PKHD1: variants seen among roughly 807,000 people sequenced by gnomAD.
The protein encoded by PKHD1 is PKHD1 ciliary IPT domain containing fibrocystin/polyductin.
Under a neutral mutation model 412.0 loss-of-function variants are expected in PKHD1, and 291 were observed. The ratio of observed to expected loss-of-function variants is 0.71; its 90% CI spans 0.64 to 0.78. The LOEUF (loss-of-function observed/expected upper bound fraction) is 0.78, where lower values mean the gene tolerates loss of function less well. Among genes scored for constraint, PKHD1 ranks in the 30% least tolerant of loss-of-function variants. The pLI is 0.00. For missense variants in PKHD1, 4,825 were observed against 4,950.7 expected (o/e 0.97, Z 0.76); for synonymous variants, 1,777 against 1,821.5 (o/e 0.98, Z 0.62).
intron 55 of PKHD1, among the ~76,000 whole-genome samples, chr6:51,767,893 C>A (rs1465943769): frequency 6.6e-6 from 1 of 152,170 alleles, no homozygotes; most frequent in Non-Finnish European, 1.5e-5. Context: ...AATCGCCACA[C>A]TGACTTCCAC....
intron 63 of PKHD1, among the ~76,000 whole-genome samples, chr6:51,641,472 G>A (rs113361179): frequency 0.057 from 8,620 of 152,260 alleles, 297 homozygotes; most frequent in East Asian, 0.13. Context: ...AACCATTGTG[G>A]AAGACAGTGT....
At chr6:51,661,162 A>C (rs1460305015) in intron 60 of PKHD1, among the ~76,000 whole-genome samples, 1 of 152,168 alleles carries the variant, frequency 6.6e-6, no homozygotes, top group Non-Finnish European at 1.5e-5. Flanking sequence ...CCAGAGTCAA[A>C]GATCAAATAT....
intron 52 of PKHD1, among the ~76,000 whole-genome samples, chr6:51,828,536 CTG>C (rs1191035511): frequency 6.6e-6 from 1 of 152,030 alleles, no homozygotes; most frequent in Non-Finnish European, 1.5e-5. Flanking sequence ...TTTCCACAGA[CTG>C]TAAAATCCTA....
chr6:52,026,249 T>A, intron 31 of PKHD1, 68 bp from the exon 32 acceptor site: 1 of 1,455,944 alleles, frequency 6.9e-7, no homozygotes, highest in Non-Finnish European at 9.6e-7. Context: ...ATAGCACCTG[T>A]GGAAGTCCTA....
At chr6:51,624,667 C>T (rs1406352896) in intron 66 of PKHD1, among the ~76,000 whole-genome samples, 1 of 152,184 alleles carries the variant, frequency 6.6e-6, no homozygotes, top group Admixed American at 6.5e-5. Flanking sequence ...GATGTGAACA[C>T]ATATATAGCA....
In PKHD1 at chr6:51,617,374, C is replaced by T. The variant is rs1433912435; in HGVS notation, c.*1707G>A. 2.0e-5 allele frequency: 3 copies of T among 152,212 alleles called. No homozygotes were observed. The highest frequency in any genetic ancestry group is 4.8e-5 in the African/African-American group (2 of 41,526). 9.4% of individuals were successfully genotyped at this position (152,212 alleles called of 1,614,324 possible). On this transcript the variant is annotated 3_prime_UTR_variant, in exon 67 of 67. Transcript: ENST00000371117. Reference sequence around the variant, plus strand: ...GAAGGCATGTTCTGCCTAAGTCATTCGAGTTTTTTTTTGTTTTTCGTTTTT... The same window carrying T: ...GAAGGCATGTTCTGCCTAAGTCATTTGAGTTTTTTTTTGTTTTTCGTTTTT...
intron 50 of PKHD1, among the ~76,000 whole-genome samples, chr6:51,845,428 A>G (rs1462826970): frequency 6.6e-6 from 1 of 152,200 alleles, no homozygotes; most frequent in Non-Finnish European, 1.5e-5. Flanking sequence ...GGAGGCACCA[A>G]TGACCATAAA....
chr6:51,630,690 A>G (rs2150295282), intron 65 of PKHD1, among the ~76,000 whole-genome samples: 1 of 152,254 alleles, frequency 6.6e-6, no homozygotes, highest in Non-Finnish European at 1.5e-5. Context: ...TTTTTTTATG[A>G]GTAAGTTGTG....
intron 52 of PKHD1, among the ~76,000 whole-genome samples, chr6:51,814,887 G>A (rs1765211345): frequency 6.6e-6 from 1 of 152,158 alleles, no homozygotes; most frequent in South Asian, 2.1e-4. Flanking sequence ...TACCTGCAGG[G>A]AAGCACATCT....
chr6:51,714,144 G>A (rs1448694220), intron 60 of PKHD1, among the ~76,000 whole-genome samples: 1 of 152,096 alleles, frequency 6.6e-6, no homozygotes, highest in African/African-American at 2.4e-5. Flanking sequence ...GGCCGAGGTG[G>A]GCGAATCACG....
At chr6:51,881,935 C>T (rs1777441194) in intron 46 of PKHD1, among the ~76,000 whole-genome samples, 1 of 152,160 alleles carries the variant, frequency 6.6e-6, no homozygotes, top group Non-Finnish European at 1.5e-5. Flanking sequence ...AATTACACCC[C>T]AAGGGTGTGA....
chr6:51,754,791 C>T lies in PKHD1; in HGVS notation c.8790G>A (p.Arg2930=). ...HVRIYERLKH[R]HIGSVHVTED... ...AACAAACCAAAGCCTTACCAATATGCCGGTGTTTGAGCCGTTCATAGATCC... is the reference window on the plus strand; with the variant it reads ...AACAAACCAAAGCCTTACCAATATGTCGGTGTTTGAGCCGTTCATAGATCC... The change falls in exon 56 of 67, where the codon CGG becomes CGA. Residue 2930 remains arginine (R), a synonymous_variant. Transcript: ENST00000371117. 6.2e-7 allele frequency: 1 copy of T among 1,613,298 alleles called. No homozygotes were observed. The highest frequency in any genetic ancestry group is 8.5e-7 in the Non-Finnish European group (1 of 1,179,408).
chr6:51,702,911 T>C, intron 60 of PKHD1, among the ~76,000 whole-genome samples: 1 of 149,862 alleles, frequency 6.7e-6, no homozygotes. Context: ...TTTTTTTGCT[T>C]GCGGTTACCT....
chr6:51,738,635 T>G (rs565863432), intron 60 of PKHD1, among the ~76,000 whole-genome samples: 26 of 152,304 alleles, frequency 1.7e-4, no homozygotes, highest in Admixed American at 1.6e-3. Flanking sequence ...AAATGTACAC[T>G]AAATAAATAA....
intron 60 of PKHD1, among the ~76,000 whole-genome samples, chr6:51,663,715 T>C (rs1398680278): frequency 2.0e-5 from 3 of 152,168 alleles, no homozygotes; most frequent in African/African-American, 7.2e-5. Context: ...AGTACAAATA[T>C]ATTTTAAGTC....
chr6:51,898,251 C>A (rs1389196112), intron 43 of PKHD1, among the ~76,000 whole-genome samples: 11 of 149,936 alleles, frequency 7.3e-5, no homozygotes, highest in Non-Finnish European at 1.5e-4. Flanking sequence ...CAAAATTGAC[C>A]ACATACTTGG....
At chr6:51,626,508 C>T (rs931969636) in intron 66 of PKHD1, among the ~76,000 whole-genome samples, 5 of 152,124 alleles carry the variant, frequency 3.3e-5, no homozygotes, top group Non-Finnish European at 2.9e-5. Context: ...ACATAACACA[C>T]CATAGAGGCA....
chr6:52,062,775 G>T, intron 13 of PKHD1, 115 bp from the exon 14 acceptor site: 1 of 1,265,628 alleles, frequency 7.9e-7, no homozygotes, highest in Non-Finnish European at 1.1e-6. Context: ...GTAAAGGTAA[G>T]TCAACCTAGA....
chr6:51,886,020 C>A (rs1424967810), intron 44 of PKHD1, 48 bp from the exon 45 acceptor site: 1 of 1,101,310 alleles, frequency 9.1e-7, no homozygotes, highest in South Asian at 1.3e-5. Context: ...ATGTTTCTAA[C>A]TTTCTACTTT....
Sources: allele counts gnomAD v4.1 joint callset (sites outside exome capture counted in the v4.1 genomes callset), GRCh38; gene constraint gnomAD v4.1.1; transcripts MANE v1.5; gene names NCBI Gene and HGNC (gene_info 2026-07-23, HGNC 2026-07-21).